The following LPL variants were observed in gnomAD, a reference collection of about 807,000 sequenced individuals.
The protein encoded by LPL is phospholipase A1.
LPL carries 43 observed loss-of-function variants against 52.2 expected under a neutral mutation model. The ratio of observed to expected loss-of-function variants is 0.82; its 90% confidence interval spans 0.64 to 1.06. The LOEUF is 1.06. Ranked by LOEUF, LPL falls within the 50% of genes least tolerant of loss-of-function variation. LPL has a pLI of 0.00. For missense variants in LPL, 639 were observed against 585.3 expected (o/e 1.09, Z -0.95); for synonymous variants, 244 against 215.6 (o/e 1.13, Z -1.15).
intron 9 of LPL, among the ~76,000 whole-genome samples, chr8:19,964,660 C>G (rs1346435333): frequency 6.6e-6 from 1 of 152,114 alleles, no homozygotes; most frequent in Non-Finnish European, 1.5e-5. Context: ...TGACAAGTAG[C>G]TGGGATTATA....
At position 19,962,212 on chromosome 8, in the gene LPL, T is replaced by C. The variant is rs759923339; in HGVS notation, c.1420T>C (p.Ser474Pro). 1.2e-6 allele frequency: 2 copies of C among 1,613,514 alleles called. No individual in the cohort carries two copies. The highest frequency in any genetic ancestry group is 1.7e-6 in the Non-Finnish European group (2 of 1,179,556). Reference sequence around the variant, plus strand: ...CCATGACAAGTCTCTGAATAAGAAGTCAGGCTGGTGAGCATTCTGGGCTAA... The same window carrying C: ...CCATGACAAGTCTCTGAATAAGAAGCCAGGCTGGTGAGCATTCTGGGCTAA... The part of the protein sequence containing the change: ...KCHDKSLNKK[S>P]G The change falls in exon 9 of 10, where the codon TCA (serine) becomes CCA (proline). Residue 474 changes from serine (S) to proline (P), a missense_variant. Coordinates refer to ENST00000650287, the MANE Select transcript of LPL (RefSeq NM_000237.3).
intron 1 of LPL, among the ~76,000 whole-genome samples, chr8:19,947,883 T>C (rs1238628832): frequency 6.6e-6 from 1 of 152,056 alleles, no homozygotes; most frequent in African/African-American, 2.4e-5. Flanking sequence ...GTTCCCTTAG[T>C]TGAAATCACA....
chr8:19,950,452 A>C lies in LPL; in HGVS notation c.250-1317A>C, dbSNP rs188863293. On this transcript the variant is annotated intron_variant, in intron 2 of 9. Coordinates refer to ENST00000650287, the MANE Select transcript of LPL (RefSeq NM_000237.3). This position sits in a 1 kb window ranked among gnomAD's most constrained non-coding sequence, Gnocchi z 4.2. ...ATTAGCTATTGTTCGGTTAATAAAA[A>C]TGTCAGCCACTGTAGGAGTAAGTTG... Among the ~76,000 whole-genome samples, 256 of 152,336 alleles carry C rather than the reference A, an allele frequency of 1.7e-3. 1 individual carries two copies. The highest frequency in any genetic ancestry group is 4.6e-3 in the Admixed American group (71 of 15,300).
At chr8:19,952,720 A>G (rs1286486778) in intron 3 of LPL, among the ~76,000 whole-genome samples, 1 of 152,220 alleles carries the variant, frequency 6.6e-6, no homozygotes. Flanking sequence ...CCTGGGGCTC[A>G]GGCTTCTCAC....
Position 19,965,784 on chromosome 8 carries a change from C to T in LPL, c.*474C>T, listed in dbSNP as rs1230651449. 1.9e-5 allele frequency: 3 copies of T among 157,108 alleles called. No homozygotes were observed. The highest frequency in any genetic ancestry group is 7.2e-5 in the African/African-American group (3 of 41,532). The allele number at this position is 157,108 out of a possible 1,614,324, so 9.7% of individuals were successfully genotyped here. A position where few individuals can be genotyped will look rare whatever the true frequency, so the allele number is the denominator to read the frequency against. ...GCGGCACGAATCAGACTCATCTACA[C>T]AGCAGTATGAATGATGTTTTAGAAT... On this transcript the variant is annotated 3_prime_UTR_variant, in exon 10 of 10. Transcript: ENST00000650287.
At chr8:19,959,896 C>A (rs1204650856) in intron 7 of LPL, among the ~76,000 whole-genome samples, 3 of 141,260 alleles carry the variant, frequency 2.1e-5, no homozygotes, top group Non-Finnish European at 4.5e-5. Flanking sequence ...TCAAACAATT[C>A]TTCTGTCTCA....
Position 19,951,897 on chromosome 8 carries a change from C to A in LPL, c.378C>A (p.Gly126=). 8 of 1,614,134 alleles carry A rather than the reference C, an allele frequency of 5.0e-6. No individual in the cohort carries two copies. Among genetic ancestry groups the A allele is most frequent in the Non-Finnish European group, 6.8e-6 (8 of 1,180,020 alleles). The change falls in exon 3 of 10, where the codon GGC becomes GGA. Residue 126 remains glycine, a synonymous_variant. Transcript: ENST00000650287. ...AGGAGCATTACCCAGTGTCCGCGGG[C>A]TACACCAAACTGGTGGGACAGGATG... ...RAQEHYPVSA[G]YTKLVGQDVA... is the part of the protein sequence containing the mutation.
rs1213027020 is a variant in LPL at position 19,939,935 on chromosome 8, G to C, written c.88+407G>C. On this transcript the variant is annotated intron_variant, in intron 1 of 9. Transcript: ENST00000650287. This position sits in a 1 kb window ranked among gnomAD's most constrained non-coding sequence, Gnocchi z 4.0. ...CCGGAGGGGCCCTGGAATGAAAGGC[G>C]CGCGGGCCAAGGTGACCTCGCCTTG... is the stretch of plus-strand genomic sequence containing the variant. 2.6e-5 allele frequency among the ~76,000 whole-genome samples: 4 copies of C among 152,184 alleles called. No individual in the cohort carries two copies. The highest frequency in any genetic ancestry group is 9.6e-5 in the African/African-American group (4 of 41,468).
intron 9 of LPL, among the ~76,000 whole-genome samples, chr8:19,965,055 G>A (rs1026889319): frequency 6.6e-6 from 1 of 152,110 alleles, no homozygotes; most frequent in Non-Finnish European, 1.5e-5. Context: ...AAATTTAGAA[G>A]TCATTTGGCC....
In LPL at chr8:19,954,329, G is replaced by C; in HGVS notation, c.751G>C (p.Val251Leu). ...ATGTAACATTGGAGAAGCTATCCGCGTGATTGCAGAGAGAGGACTTGGAGG... is the reference window on the plus strand; with the variant it reads ...ATGTAACATTGGAGAAGCTATCCGCCTGATTGCAGAGAGAGGACTTGGAGG... ...PGCNIGEAIR[V>L]IAERGLGDVD... is the part of the protein sequence containing the mutation. Residue 251 changes from valine (V) to leucine (L), a missense_variant, in exon 5 of 10, where the codon GTG becomes CTG. Transcript: ENST00000650287. 1 of 1,614,112 alleles carries C rather than the reference G, an allele frequency of 6.2e-7. No homozygotes were observed. The highest frequency in any genetic ancestry group is 8.5e-7 in the Non-Finnish European group (1 of 1,179,964).
At chr8:19,947,086 C>A (rs915026441) in intron 1 of LPL, among the ~76,000 whole-genome samples, 2 of 152,200 alleles carry the variant, frequency 1.3e-5, no homozygotes, top group African/African-American at 4.8e-5. Context: ...TATTTCTGAA[C>A]AACCTACTAA....
rs755235376 is a variant in LPL at position 19,953,424 on chromosome 8, A to T, written c.541+3A>T. On this transcript the variant is annotated splice_donor_region_variant and intron_variant, in intron 4 of 9. Transcript: ENST00000650287. ...TAAGAAAGTCAACAGAATTACTGGT[A>T]AGAAAGCAATTTCGTTGGTCTTATC... 1.2e-6 allele frequency: 2 copies of T among 1,606,176 alleles called. No homozygotes were observed. The highest frequency in any genetic ancestry group is 1.7e-6 in the Non-Finnish European group (2 of 1,172,878).
chr8:19,959,493 A>C, intron 7 of LPL, 113 bp downstream of exon 7: 2 of 1,348,756 alleles, frequency 1.5e-6, no homozygotes, highest in South Asian at 2.9e-5. Context: ...TTTAGTTAAA[A>C]AAATCAGAAT....
rs1237725478 is a variant in LPL at position 19,944,701 on chromosome 8, C to A, written c.89-3479C>A. ...TCTTTCTCTACGTGCTTTAACTTCT[C>A]AGCCTAATTTCGTCTCTGTGAGTTA... On this transcript the variant is annotated intron_variant, in intron 1 of 9. Transcript: ENST00000650287. The surrounding 1 kb of genome is among the most constrained non-coding windows in gnomAD (Gnocchi z 4.2). Among the ~76,000 whole-genome samples the A allele has an allele frequency of 6.6e-6, 1 of 152,214 alleles. No individual in the cohort carries two copies. The highest frequency in any genetic ancestry group is 1.5e-5 in the Non-Finnish European group (1 of 68,044).
rs1305728617 is a variant in LPL at position 19,944,519 on chromosome 8, T to C, written c.89-3661T>C. On this transcript the variant is annotated intron_variant, in intron 1 of 9. Transcript: ENST00000650287. The surrounding 1 kb of genome is among the most constrained non-coding windows in gnomAD (Gnocchi z 4.2). Reference sequence around the variant, plus strand: ...AATTCCAAAGAGAATTGCATTCTCATTGAGTTCTTGTACCTCATGTCATTG... The same window carrying C: ...AATTCCAAAGAGAATTGCATTCTCACTGAGTTCTTGTACCTCATGTCATTG... 6.6e-6 allele frequency among the ~76,000 whole-genome samples: 1 copy of C among 152,068 alleles called. No homozygotes were observed. The highest frequency in any genetic ancestry group is 2.4e-5 in the African/African-American group (1 of 41,416).
rs920180684 is a variant in LPL, at chr8:19,944,192, T to A, written c.89-3988T>A. Among the ~76,000 whole-genome samples the A allele has an allele frequency of 6.6e-6, 1 of 151,938 alleles. No individual in the cohort carries two copies. Among genetic ancestry groups the A allele is most frequent in the East Asian group, 1.9e-4 (1 of 5,168 alleles). ...CAGAGCAAGACTCCGTTTCAAAAAA[T>A]AATAATAAAATAAAATGAAATAAAG... On this transcript the variant is annotated intron_variant, in intron 1 of 9. Coordinates refer to ENST00000650287, the MANE Select transcript of LPL (RefSeq NM_000237.3). This position sits in a 1 kb window ranked among gnomAD's most constrained non-coding sequence, Gnocchi z 4.2.
intron 5 of LPL, among the ~76,000 whole-genome samples, chr8:19,954,657 G>A (rs2069968401): frequency 6.6e-6 from 1 of 152,094 alleles, no homozygotes; most frequent in Admixed American, 6.5e-5. Context: ...AATGCTATCT[G>A]GCCACATGTT....
chr8:19,962,248 G>C, intron 9 of LPL, 29 bp downstream of exon 9: 1 of 1,564,134 alleles, frequency 6.4e-7, no homozygotes, highest in Non-Finnish European at 8.8e-7. Context: ...AGCTGACTGG[G>C]CATCCTGAGC....
chr8:19,953,452 A>G (rs749847507), intron 4 of LPL, 31 bp downstream of exon 4: 1 of 1,461,416 alleles, frequency 6.8e-7, no homozygotes, highest in Admixed American at 1.7e-5. Flanking sequence ...GTCTTATCAT[A>G]AGAGGTGAAA....
Sources: allele counts gnomAD v4.1 joint callset (sites outside exome capture counted in the v4.1 genomes callset), GRCh38; gene constraint gnomAD v4.1.1; non-coding constraint Gnocchi (gnomAD v3.1); transcripts MANE v1.5; gene names NCBI Gene and HGNC (gene_info 2026-07-23, HGNC 2026-07-21).